The following KCNC1 variants were observed in gnomAD, a reference collection of about 807,000 sequenced individuals.
KCNC1 encodes the protein potassium voltage-gated channel subfamily C member 1.
A neutral mutation model predicts 43.4 loss-of-function variants in KCNC1; 8 were observed. The ratio of observed to expected loss-of-function variants is 0.18; its 90% confidence interval spans 0.11 to 0.33. KCNC1 has a LOEUF of 0.33. Ranked by LOEUF, KCNC1 falls within the 10% of genes least tolerant of loss-of-function variation. KCNC1 has a pLI of 1.00. For synonymous variants in KCNC1, 361 were observed against 360.5 expected (o/e 1.00, Z -0.01); for missense variants, 420 against 836.0 (o/e 0.50, Z 6.14).
At chr11:17,775,724 G>A (rs574477819) in intron 2 of KCNC1, 118 of 985,744 alleles carry the variant, frequency 1.2e-4, no homozygotes, top group South Asian at 8.0e-4. Context: ...TTGTGGTGCC[G>A]CGTCCAGGGC....
chr11:17,745,384 C>A (rs1848887199), intron 1 of KCNC1, among the ~76,000 whole-genome samples: 1 of 152,168 alleles, frequency 6.6e-6, no homozygotes. Flanking sequence ...CATCAACCAA[C>A]CCTGTTGTCT....
At chr11:17,775,202 G>A (rs937557572) in intron 2 of KCNC1, 31 of 985,450 alleles carry the variant, frequency 3.1e-5, no homozygotes, top group Middle Eastern at 5.2e-4. Context: ...TAGTGGCCTC[G>A]CCAAAACCTG....
chr11:17,779,186 T>G lies in KCNC1; in HGVS notation c.1505-270T>G. ...GGCCCCCAGCACCACACCTGCTGGA[T>G]CCATCACCAACTCATCTTTTTGCAA... On this transcript the variant is annotated intron_variant, in intron 2 of 3. Transcript: ENST00000265969. This position sits in a 1 kb window ranked among gnomAD's most constrained non-coding sequence, Gnocchi z 7.2. 1 of 373,502 alleles carries G rather than the reference T, an allele frequency of 2.7e-6. No homozygotes were observed. Among genetic ancestry groups the G allele is most frequent in the Non-Finnish European group, 4.8e-6 (1 of 208,736 alleles). The allele number at this position is 373,502 out of a possible 1,614,324, so 23.1% of individuals were successfully genotyped here.
chr11:17,767,402 T>G (rs1849166581), intron 1 of KCNC1, among the ~76,000 whole-genome samples: 2 of 152,312 alleles, frequency 1.3e-5, no homozygotes, highest in East Asian at 3.9e-4. Context: ...TTTCTGTACC[T>G]GCATTTCCTC....
intron 2 of KCNC1, chr11:17,775,322 G>T (rs1389424434): frequency 1.2e-4 from 118 of 963,774 alleles, no homozygotes; most frequent in Non-Finnish European, 1.5e-4. Flanking sequence ...GGTGCCAGCA[G>T]CACCTGCCCC....
intron 2 of KCNC1, chr11:17,775,870 C>A: frequency 1.0e-6 from 1 of 985,528 alleles, no homozygotes; most frequent in Non-Finnish European, 1.2e-6. Flanking sequence ...TGGGAGCTAA[C>A]CTTGCAGCCT....
chr11:17,773,984 C>A lies in KCNC1; in HGVS notation c.1504+1386C>A, dbSNP rs907682350. 2.0e-6 allele frequency: 2 copies of A among 985,426 alleles called. No homozygotes were observed. The highest frequency in any genetic ancestry group is 3.5e-5 in the African/African-American group (2 of 57,250). 61.0% of individuals were successfully genotyped at this position (985,426 alleles called of 1,614,324 possible). A position where few individuals can be genotyped will look rare whatever the true frequency, so the allele number is the denominator to read the frequency against. Reference sequence around the variant, plus strand: ...CCCCCAGTGGATGATTGATTTTCTTCCCTGCTATCGCGCTCTCTGACCCAC... The same window carrying A: ...CCCCCAGTGGATGATTGATTTTCTTACCTGCTATCGCGCTCTCTGACCCAC... On this transcript the variant is annotated intron_variant, in intron 2 of 3. Coordinates refer to ENST00000265969, the MANE Select transcript of KCNC1 (RefSeq NM_001112741.2). The surrounding 1 kb of genome is among the most constrained non-coding windows in gnomAD (Gnocchi z 4.1).
rs1848855046 is a variant in KCNC1, at chr11:17,742,560, T to C, written c.570+5988T>C. On this transcript the variant is annotated intron_variant, in intron 1 of 3. Coordinates refer to ENST00000265969, the MANE Select transcript of KCNC1 (RefSeq NM_001112741.2). This position sits in a 1 kb window ranked among gnomAD's most constrained non-coding sequence, Gnocchi z 4.2. Reference sequence around the variant, plus strand: ...GAGCTCCCCTCTGCTAGGTGCAAGGTTAGAGGAAAAGGAGGGCCTGACAGG... The same window carrying C: ...GAGCTCCCCTCTGCTAGGTGCAAGGCTAGAGGAAAAGGAGGGCCTGACAGG... Among the ~76,000 whole-genome samples, 1 of 152,102 alleles carries C rather than the reference T, an allele frequency of 6.6e-6. No homozygotes were observed. The highest frequency in any genetic ancestry group is 1.5e-5 in the Non-Finnish European group (1 of 68,018).
chr11:17,771,804 G>A lies in KCNC1; in HGVS notation c.710G>A (p.Arg237Gln), dbSNP rs200015927. The change falls in exon 2 of 4, where the codon CGG becomes CAG. Residue 237 changes from arginine (R) to glutamine (Q), a missense_variant. Transcript: ENST00000265969. This position sits in a 1 kb window ranked among gnomAD's most constrained non-coding sequence, Gnocchi z 4.7. ...VRNGTQVRYY[R>Q]EAETEAFLTY... is the part of the protein sequence containing the mutation. ...AATGGCACGCAAGTGCGCTACTACC[G>A]GGAGGCCGAGACGGAGGCCTTCCTT... The A allele has an allele frequency of 4.3e-6, 7 of 1,614,124 alleles. No individual in the cohort carries two copies. The highest frequency in any genetic ancestry group is 1.7e-5 in the Admixed American group (1 of 60,014).
chr11:17,771,822 C>A lies in KCNC1; in HGVS notation c.728C>A (p.Ala243Asp). ...VRYYREAETEAFLTYIEGVCV... is the reference protein window; with the variant it reads ...VRYYREAETEDFLTYIEGVCV... Reference sequence around the variant, plus strand: ...TACTACCGGGAGGCCGAGACGGAGGCCTTCCTTACCTACATCGAGGGCGTC... The same window carrying A: ...TACTACCGGGAGGCCGAGACGGAGGACTTCCTTACCTACATCGAGGGCGTC... Residue 243 changes from alanine (A) to aspartate (D), a missense_variant, in exon 2 of 4, where the codon GCC becomes GAC. Ala to Asp is a moderately radical substitution (Grantham distance 126, BLOSUM62 -2). This residue lies in a region of KCNC1 where 151 missense variants were observed against 216.7 expected (regional missense o/e 0.70). Transcript: ENST00000265969. This position sits in a 1 kb window ranked among gnomAD's most constrained non-coding sequence, Gnocchi z 4.7. 1 of 1,614,198 alleles carries A rather than the reference C, an allele frequency of 6.2e-7. No homozygotes were observed. The highest frequency in any genetic ancestry group is 2.2e-5 in the East Asian group (1 of 44,872).
At chr11:17,751,117 C>T (rs967402295) in intron 1 of KCNC1, among the ~76,000 whole-genome samples, 1 of 152,140 alleles carries the variant, frequency 6.6e-6, no homozygotes, top group African/African-American at 2.4e-5. Flanking sequence ...TTGTCCAAGA[C>T]CATCCAGAAG....
rs1049850177 is a variant in KCNC1, at chr11:17,739,596, G to A, written c.570+3024G>A. ...GAGGTTTGGAGAGTGCGTGAGAGTC[G>A]AGGTGAGTGTGTCTGCGTGAGTGTG... On this transcript the variant is annotated intron_variant, in intron 1 of 3. Transcript: ENST00000265969. This position sits in a 1 kb window ranked among gnomAD's most constrained non-coding sequence, Gnocchi z 4.2. Among the ~76,000 whole-genome samples the A allele has an allele frequency of 6.6e-6, 1 of 151,442 alleles. No individual in the cohort carries two copies. The highest frequency in any genetic ancestry group is 2.4e-5 in the African/African-American group (1 of 41,072).
Position 17,779,400 on chromosome 11 carries a change from TG to T in KCNC1, c.1505-55del. The stretch of plus-strand genomic sequence containing the variant: ...ACCCCGCTTCTGGCCTGTCCCCCCC[TG>T]CCCCCCACTAAACAGTTTTCAGTGT... On this transcript the variant is annotated intron_variant, in intron 2 of 3. Coordinates refer to ENST00000265969, the MANE Select transcript of KCNC1 (RefSeq NM_001112741.2). The surrounding 1 kb of genome is among the most constrained non-coding windows in gnomAD (Gnocchi z 7.2). 8.2e-7 allele frequency: 1 copy of T among 1,215,202 alleles called. No homozygotes were observed. The highest frequency in any genetic ancestry group is 3.2e-5 in the East Asian group (1 of 31,608). The allele number at this position is 1,215,202 out of a possible 1,614,324, so 75.3% of individuals were successfully genotyped here.
At position 17,776,682 on chromosome 11, in the gene KCNC1, C is replaced by G. The variant is rs1565164188; in HGVS notation, c.1505-2774C>G. 1.0e-6 allele frequency: 1 copy of G among 985,138 alleles called. No individual in the cohort carries two copies. Among genetic ancestry groups the G allele is most frequent in the Non-Finnish European group, 1.2e-6 (1 of 829,884 alleles). 61.0% of individuals were successfully genotyped at this position (985,138 alleles called of 1,614,324 possible). ...GGGCTGGGGGAGGCAGGGCCCCCAG[C>G]CTCTGGAAAGCAGGTGGGAATGGAG... is the stretch of plus-strand genomic sequence containing the variant. On this transcript the variant is annotated intron_variant, in intron 2 of 3. Transcript: ENST00000265969. The surrounding 1 kb of genome is among the most constrained non-coding windows in gnomAD (Gnocchi z 4.4).
rs1849294562 is a variant in KCNC1, at chr11:17,776,903, C to T, written c.1505-2553C>T. 1 of 985,356 alleles carries T rather than the reference C, an allele frequency of 1.0e-6. No homozygotes were observed. The highest frequency in any genetic ancestry group is 4.7e-5 in the South Asian group (1 of 21,280). 61.0% of individuals were successfully genotyped at this position (985,356 alleles called of 1,614,324 possible). A position where few individuals can be genotyped will look rare whatever the true frequency, so the allele number is the denominator to read the frequency against. ...TTAAACCATAGATAGACGAACAGCC[C>T]AGGGGCCTGGGCCCCTTCACAGAGC... On this transcript the variant is annotated intron_variant, in intron 2 of 3. Transcript: ENST00000265969. This position sits in a 1 kb window ranked among gnomAD's most constrained non-coding sequence, Gnocchi z 4.4.
chr11:17,778,543 G>T (rs1035666584), intron 2 of KCNC1, among the ~76,000 whole-genome samples: 4 of 152,270 alleles, frequency 2.6e-5, no homozygotes, highest in Non-Finnish European at 4.4e-5. Flanking sequence ...GACCAGGCCT[G>T]CTGGGGACAG....
At position 17,779,400 on chromosome 11, in the gene KCNC1, T is replaced by A; in HGVS notation, c.1505-56T>A. 7.5e-5 allele frequency: 91 copies of A among 1,215,056 alleles called. No individual in the cohort carries two copies. The highest frequency in any genetic ancestry group is 7.9e-5 in the Non-Finnish European group (73 of 918,250). The allele number at this position is 1,215,056 out of a possible 1,614,324, so 75.3% of individuals were successfully genotyped here. A position where few individuals can be genotyped will look rare whatever the true frequency, so the allele number is the denominator to read the frequency against. On this transcript the variant is annotated intron_variant, in intron 2 of 3. Coordinates refer to ENST00000265969, the MANE Select transcript of KCNC1 (RefSeq NM_001112741.2). This position sits in a 1 kb window ranked among gnomAD's most constrained non-coding sequence, Gnocchi z 7.2. ...ACCCCGCTTCTGGCCTGTCCCCCCC[T>A]GCCCCCCACTAAACAGTTTTCAGTG...
Position 17,773,268 on chromosome 11 carries a change from C to T in KCNC1, c.1504+670C>T. 1.0e-6 allele frequency: 1 copy of T among 985,554 alleles called. No homozygotes were observed. Among genetic ancestry groups the T allele is most frequent in the South Asian group, 4.7e-5 (1 of 21,286 alleles). The allele number at this position is 985,554 out of a possible 1,614,324, so 61.1% of individuals were successfully genotyped here. ...CATGCTGAACCAACTCATCTTCTAC[C>T]ACCACTCTAGAGTTTAGCCTTTATC... On this transcript the variant is annotated intron_variant, in intron 2 of 3. Coordinates refer to ENST00000265969, the MANE Select transcript of KCNC1 (RefSeq NM_001112741.2). This position sits in a 1 kb window ranked among gnomAD's most constrained non-coding sequence, Gnocchi z 4.1.
chr11:17,745,739 C>T (rs572507955), intron 1 of KCNC1, among the ~76,000 whole-genome samples: 29 of 152,256 alleles, frequency 1.9e-4, no homozygotes, highest in African/African-American at 5.5e-4. Context: ...ACCTGCGCTG[C>T]GCTGGTCCCT....
Sources: allele counts gnomAD v4.1 joint callset (sites outside exome capture counted in the v4.1 genomes callset), GRCh38; gene constraint gnomAD v4.1.1; regional missense constraint gnomAD v4.1.1; non-coding constraint Gnocchi (gnomAD v3.1); transcripts MANE v1.5; gene names NCBI Gene and HGNC (gene_info 2026-07-23, HGNC 2026-07-21).